The following SAMD3 variants were observed in gnomAD, a reference collection of about 807,000 sequenced individuals.
SAMD3 encodes sterile alpha motif domain-containing protein 3.
A neutral mutation model predicts 58.5 loss-of-function variants in SAMD3; 63 were observed. That is an observed-to-expected ratio of 1.08 (90% confidence interval 0.88 to 1.33). The LOEUF is 1.33. SAMD3 is among the 40% of genes most tolerant of loss of function. The pLI, the probability that SAMD3 is intolerant of heterozygous loss-of-function variation, is 0.00. For missense variants in SAMD3, 604 were observed against 608.4 expected, an observed-to-expected ratio of 0.99 and a Z score of 0.08; for synonymous variants, 220 against 210.3, an observed-to-expected ratio of 1.05 and a Z score of -0.40.
At chr6:130,207,910 T>C (rs1482936994) in intron 5 of SAMD3, among the ~76,000 whole-genome samples, 1 of 152,124 alleles carries the variant, frequency 6.6e-6, no homozygotes, top group African/African-American at 2.4e-5. Flanking sequence ...GAGCTCCTCA[T>C]CAAAGGGGCT....
chr6:130,264,167 C>T (rs1774249473), intron 2 of SAMD3, among the ~76,000 whole-genome samples: 1 of 152,150 alleles, frequency 6.6e-6, no homozygotes, highest in African/African-American at 2.4e-5. Flanking sequence ...TCCAGTCGAC[C>T]ATGCATAGGC....
In SAMD3 at chr6:130,272,559, A is replaced by G. The variant is rs1774603104; in HGVS notation, c.-188+40419T>C. ...GAATACATTCCCTTAAAATACCAGG[A>G]GGATTAATTGGCTAGTGATGAGATA... On this transcript the variant is annotated intron_variant, in intron 2 of 13. Coordinates refer to the SAMD3 transcript ENST00000368134. 3.3e-5 allele frequency among the ~76,000 whole-genome samples: 5 copies of G among 152,230 alleles called. No individual in the cohort carries two copies. In the South Asian group the frequency reaches 1.0e-3, roughly 32 times the overall value.
At chr6:130,357,201 T>G (rs888403822) in intron 1 of SAMD3, among the ~76,000 whole-genome samples, 1 of 143,234 alleles carries the variant, frequency 7.0e-6, no homozygotes, top group Non-Finnish European at 1.5e-5. Flanking sequence ...CTTGGCTCAC[T>G]GCAAGCTCCG....
intron 2 of SAMD3, among the ~76,000 whole-genome samples, chr6:130,261,173 G>T (rs1774119613): frequency 6.9e-6 from 1 of 144,198 alleles, no homozygotes; most frequent in South Asian, 2.2e-4. Flanking sequence ...TGGAAGCGTG[G>T]CCTGATCACC....
intron 9 of SAMD3, among the ~76,000 whole-genome samples, chr6:130,152,404 C>T (rs1419019201): frequency 2.0e-5 from 3 of 152,034 alleles, no homozygotes; most frequent in South Asian, 2.1e-4. Context: ...AGGTCGGGCA[C>T]GGTGGCTCAC....
intron 5 of SAMD3, among the ~76,000 whole-genome samples, chr6:130,195,671 G>C (rs1562430702): frequency 6.6e-6 from 1 of 152,060 alleles, no homozygotes; most frequent in Non-Finnish European, 1.5e-5. Flanking sequence ...CACCCATCAG[G>C]CTCAGCAAAT....
Position 130,238,258 on chromosome 6 carries a change from A to G in SAMD3, c.-187-15445T>C, listed in dbSNP as rs190119201. 5.7e-3 allele frequency among the ~76,000 whole-genome samples: 871 copies of G among 152,332 alleles called. 6 individuals are homozygous for G. The highest frequency in any genetic ancestry group is 0.02 in the African/African-American group (833 of 41,588). On this transcript the variant is annotated intron_variant, in intron 2 of 13. Transcript: ENST00000368134. ...ACTGGGGATTAATATTTATGTGATC[A>G]ATGTTGGCAGTTAAGTCAATAATTG...
At chr6:130,310,586 T>G (rs546142163) in intron 2 of SAMD3, among the ~76,000 whole-genome samples, 1 of 152,322 alleles carries the variant, frequency 6.6e-6, no homozygotes, top group South Asian at 2.1e-4. Context: ...CCTTGAATGT[T>G]ATAGTTTTTA....
In SAMD3 at chr6:130,245,499, T is replaced by C. The variant is rs183710495; in HGVS notation, c.-187-22686A>G. ...CTTACACTGGACTCAAAGAGTGGAATTGATATTCCACTTAGGTTGGAGGTC... is the reference window on the plus strand; with the variant it reads ...CTTACACTGGACTCAAAGAGTGGAACTGATATTCCACTTAGGTTGGAGGTC... On this transcript the variant is annotated intron_variant, in intron 2 of 13. Transcript: ENST00000368134. Among the ~76,000 whole-genome samples, 17 of 152,330 alleles carry C rather than the reference T, an allele frequency of 1.1e-4. No individual in the cohort carries two copies. In the East Asian group the frequency reaches 3.1e-3, roughly 28 times the overall value.
At position 130,175,959 on chromosome 6, in the gene SAMD3, G is replaced by A. The variant is rs1582798619; in HGVS notation, c.704C>T (p.Pro235Leu). 6.2e-7 allele frequency: 1 copy of A among 1,613,274 alleles called. No homozygotes were observed. The highest frequency in any genetic ancestry group is 8.5e-7 in the Non-Finnish European group (1 of 1,179,620). Residue 235 changes from proline (P) to leucine (L), a missense_variant, in exon 8 of 12, where the codon CCC becomes CTC. Physicochemically the swap from Pro to Leu is moderately conservative, Grantham distance 98. Transcript: ENST00000439090. ...LKDRFKYVRR[P>L]IEDDEQVIRN... ...AATCACTTGCTCATCATCTTCTATGGGTCTTCGAACATATTTAAAGCGATC... is the reference window on the plus strand; with the variant it reads ...AATCACTTGCTCATCATCTTCTATGAGTCTTCGAACATATTTAAAGCGATC...
At chr6:130,311,476 G>T (rs1029022177) in intron 2 of SAMD3, among the ~76,000 whole-genome samples, 1 of 152,092 alleles carries the variant, frequency 6.6e-6, no homozygotes, top group African/African-American at 2.4e-5. Flanking sequence ...AAAGTGAGGG[G>T]GAAATTTTAC....
At position 130,290,145 on chromosome 6, in the gene SAMD3, C is replaced by T. The variant is rs147057307; in HGVS notation, c.-188+22833G>A. On this transcript the variant is annotated intron_variant, in intron 2 of 13. Transcript: ENST00000368134. ...TATTAGTCAGGGTTCTCCACAGAAG[C>T]AAAACCAATATGGGGTGTGTGTGTG... Among the ~76,000 whole-genome samples, 199 of 147,912 alleles carry T rather than the reference C, an allele frequency of 1.3e-3. 2 individuals are homozygous for T. Among genetic ancestry groups the T allele is most frequent in the African/African-American group, 4.6e-3 (189 of 40,930 alleles).
chr6:130,256,165 A>G (rs1773921136), intron 2 of SAMD3, among the ~76,000 whole-genome samples: 1 of 151,472 alleles, frequency 6.6e-6, no homozygotes, highest in South Asian at 2.1e-4. Context: ...TGCACACTGG[A>G]AAGATAGAAA....
At chr6:130,264,017 T>A (rs1774241063) in intron 2 of SAMD3, among the ~76,000 whole-genome samples, 3 of 152,302 alleles carry the variant, frequency 2.0e-5, no homozygotes, top group Middle Eastern at 6.8e-3. Context: ...ACTTTAGCAA[T>A]TAAGACAGGA....
intron 2 of SAMD3, among the ~76,000 whole-genome samples, chr6:130,280,349 C>T (rs1233330734): frequency 6.6e-6 from 1 of 152,182 alleles, no homozygotes; most frequent in Non-Finnish European, 1.5e-5. Context: ...ACCTCTTACC[C>T]TTCTCACCAT....
At chr6:130,155,058 C>T (rs751782062) in intron 8 of SAMD3, 33 bp from the exon 9 acceptor site, 1 of 1,570,184 alleles carries the variant, frequency 6.4e-7, no homozygotes, top group Non-Finnish European at 8.7e-7. Context: ...CAATGGATTC[C>T]ATGTTTCTAT....
In SAMD3 at chr6:130,292,263, C is replaced by CTTTT. The variant is rs1412339110; in HGVS notation, c.-188+20714_-188+20715insAAAA. Among the ~76,000 whole-genome samples the CTTTT allele has an allele frequency of 8.7e-5, 11 of 125,816 alleles. 2 individuals are homozygous for CTTTT. The highest frequency in any genetic ancestry group is 1.5e-4 in the Non-Finnish European group (9 of 60,582). The allele number at this position is 125,816 out of a possible 152,430, so 82.5% of individuals were successfully genotyped here. ...AATTCTCAGGAATAACTTTTTTTTT[C>CTTTT]TTTCTTTCTTTTTTTTTTTTTTTTG... On this transcript the variant is annotated intron_variant, in intron 2 of 13. Transcript: ENST00000368134.
At position 130,215,218 on chromosome 6, in the gene SAMD3, C is replaced by A. The variant is rs369847636; in HGVS notation, c.56G>T (p.Gly19Val). ...VCSWLVEKNL[G>V]ELVHRFQEEE... ...ACCTTGAAATCTATGAACTAGCTCTCCTAAATTTTTCTCCACCAACCAACT... is the reference window on the plus strand; with the variant it reads ...ACCTTGAAATCTATGAACTAGCTCTACTAAATTTTTCTCCACCAACCAACT... Residue 19 changes from glycine to valine, a missense_variant, in exon 3 of 12, where the codon GGA becomes GTA. By Grantham distance (109) the Gly-to-Val change is moderately radical. Coordinates refer to ENST00000439090, the MANE Select transcript of SAMD3 (RefSeq NM_001017373.4). The A allele has an allele frequency of 1.9e-6, 3 of 1,607,064 alleles. No homozygotes were observed. Among genetic ancestry groups the A allele is most frequent in the Admixed American group, 3.3e-5 (2 of 59,772 alleles).
At chr6:130,189,395 C>T (rs191000705) in intron 5 of SAMD3, among the ~76,000 whole-genome samples, 3 of 152,256 alleles carry the variant, frequency 2.0e-5, no homozygotes, top group East Asian at 3.9e-4. Context: ...GTGCCTTGAT[C>T]TCAGGCTTAC....
Sources: gnomAD v4.1 joint callset for allele counts (sites outside exome capture counted in the v4.1 genomes callset) on GRCh38, gnomAD v4.1.1 for gene constraint, MANE v1.5 for transcripts, NCBI Gene and HGNC (gene_info 2026-07-23, HGNC 2026-07-21) for gene names.